Variants in SMIM31 observed in about 807,000 individuals in gnomAD.
The protein encoded by SMIM31 is small integral membrane protein 31, also known as human epithelial cell program regulator.
chr4:164,755,254 A>C (rs11935526), intron 1 of SMIM31, among the ~76,000 whole-genome samples: 98,756 of 150,654 alleles, frequency 0.66, 32,670 homozygotes, highest in African/African-American at 0.73. Context: ...CCAAGGCAGG[A>C]AGATCACTTG....
At chr4:164,772,634 A>C (rs373916216) in intron 2 of SMIM31, among the ~76,000 whole-genome samples, 2 of 146,194 alleles carry the variant, frequency 1.4e-5, no homozygotes, top group Admixed American at 1.4e-4. Context: ...GCTGGAGTGC[A>C]GTGGCGCGAT....
At chr4:164,791,914 C>T (rs1733106503) in intron 2 of SMIM31, among the ~76,000 whole-genome samples, 1 of 152,180 alleles carries the variant, frequency 6.6e-6, no homozygotes, top group Non-Finnish European at 1.5e-5. Context: ...TGCGTATCTA[C>T]AGCTCAGCTC....
At chr4:164,773,106 A>T (rs1037159492) in intron 2 of SMIM31, among the ~76,000 whole-genome samples, 1 of 151,724 alleles carries the variant, frequency 6.6e-6, no homozygotes, top group Non-Finnish European at 1.5e-5. Flanking sequence ...GGCTAAAAAG[A>T]TATAACAAGA....
intron 2 of SMIM31, chr4:164,787,306 C>T (rs535455668): frequency 6.6e-6 from 1 of 151,936 alleles, no homozygotes; most frequent in South Asian, 2.1e-4. Flanking sequence ...ACTTTGGCAA[C>T]ACATGCACTA....
rs1179270439 is a variant in SMIM31 at position 164,754,412 on chromosome 4, G to T, written c.-26+1G>T. ...ACTCTCAGGGACAGGAATGCTTCTG[G>T]TAAGTTTTTATAAATCCCCTATTTT... On this transcript the variant is annotated splice_donor_variant, in intron 1 of 2. Coordinates refer to ENST00000507311, the MANE Select transcript of SMIM31 (RefSeq NM_001352885.1). LOFTEE classifies it low-confidence loss of function (5UTR_SPLICE). 2 of 150,728 alleles carry T rather than the reference G, an allele frequency of 1.3e-5. No individual in the cohort carries two copies. The highest frequency in any genetic ancestry group is 2.4e-5 in the African/African-American group (1 of 41,078). 9.3% of individuals were successfully genotyped at this position (150,728 alleles called of 1,614,324 possible).
At chr4:164,760,950 T>C (rs1270035104) in intron 1 of SMIM31, among the ~76,000 whole-genome samples, 1 of 152,130 alleles carries the variant, frequency 6.6e-6, no homozygotes, top group East Asian at 1.9e-4. Flanking sequence ...TGAGAAATAG[T>C]ATGTACAAGT....
intron 2 of SMIM31, among the ~76,000 whole-genome samples, chr4:164,781,612 C>A (rs1488235593): frequency 6.6e-6 from 1 of 152,160 alleles, no homozygotes. Flanking sequence ...CTTTTAGCAG[C>A]CTCCTTGCCT....
At chr4:164,758,536 T>G (rs928415662) in intron 1 of SMIM31, among the ~76,000 whole-genome samples, 8 of 152,064 alleles carry the variant, frequency 5.3e-5, no homozygotes, top group Non-Finnish European at 1.0e-4. Flanking sequence ...CATTCCCACC[T>G]TTCTGGGCAT....
rs1732794506 is a variant in SMIM31, at chr4:164,771,014, T to C, written c.112+459T>C. Among the ~76,000 whole-genome samples the C allele has an allele frequency of 2.0e-5, 3 of 152,216 alleles. 1 individual carries two copies. Among genetic ancestry groups the C allele is most frequent in the Admixed American group, 6.5e-5 (1 of 15,282 alleles). On this transcript the variant is annotated intron_variant, in intron 2 of 2. Transcript: ENST00000507311. Reference sequence around the variant, plus strand: ...AAAAATTTATATTTATTTGTGTATATGTGTGTGTAAATATACAATTAGGAA... The same window carrying C: ...AAAAATTTATATTTATTTGTGTATACGTGTGTGTAAATATACAATTAGGAA...
chr4:164,790,088 A>G (rs1002105638), intron 2 of SMIM31, among the ~76,000 whole-genome samples: 1 of 152,188 alleles, frequency 6.6e-6, no homozygotes, highest in African/African-American at 2.4e-5. Context: ...CAAGGAACAC[A>G]TGATTCCCTA....
intron 2 of SMIM31, among the ~76,000 whole-genome samples, chr4:164,776,819 T>G (rs1205768068): frequency 1.3e-5 from 2 of 152,224 alleles, no homozygotes; most frequent in Non-Finnish European, 2.9e-5. Flanking sequence ...TCATGAGCAT[T>G]ATACATCATC....
chr4:164,791,573 C>A (rs1733101670), intron 2 of SMIM31, among the ~76,000 whole-genome samples: 1 of 152,154 alleles, frequency 6.6e-6, no homozygotes, highest in South Asian at 2.1e-4. Context: ...TAGGCTCAAG[C>A]AATCCACTTG....
At chr4:164,757,633 C>T (rs73871401) in intron 1 of SMIM31, among the ~76,000 whole-genome samples, 17,362 of 150,206 alleles carry the variant, frequency 0.12, 1,107 homozygotes, top group African/African-American at 0.16. Context: ...TTTTTTTTTC[C>T]TATAAATGTC....
At chr4:164,800,756 A>G (rs988852355) in intron 2 of SMIM31, among the ~76,000 whole-genome samples, 1 of 152,156 alleles carries the variant, frequency 6.6e-6, no homozygotes, top group Admixed American at 6.5e-5. Flanking sequence ...CTCACGTGCC[A>G]TTAATTTTAA....
chr4:164,798,265 G>A (rs887121077), intron 2 of SMIM31, among the ~76,000 whole-genome samples: 3 of 148,866 alleles, frequency 2.0e-5, no homozygotes, highest in African/African-American at 5.0e-5. Context: ...ACGGAGTCTC[G>A]CTCTGTCGCC....
At position 164,801,810 on chromosome 4, in the gene SMIM31, T is replaced by C. The variant is rs1475004573; in HGVS notation, c.*616T>C. 6.6e-6 allele frequency: 1 copy of C among 152,204 alleles called. No individual in the cohort carries two copies. The highest frequency in any genetic ancestry group is 1.5e-5 in the Non-Finnish European group (1 of 68,046). 9.4% of individuals were successfully genotyped at this position (152,204 alleles called of 1,614,324 possible). ...AATATGGTTTACAGAGACATGAGTGTTTGTAAATCTCTCGTCCCAATACTA... is the reference window on the plus strand; with the variant it reads ...AATATGGTTTACAGAGACATGAGTGCTTGTAAATCTCTCGTCCCAATACTA... On this transcript the variant is annotated 3_prime_UTR_variant, in exon 3 of 3. Coordinates refer to ENST00000507311, the MANE Select transcript of SMIM31 (RefSeq NM_001352885.1).
chr4:164,786,080 A>G (rs1009711480), intron 2 of SMIM31, among the ~76,000 whole-genome samples: 6 of 152,214 alleles, frequency 3.9e-5, no homozygotes, highest in African/African-American at 1.4e-4. Flanking sequence ...ATTTAAATCT[A>G]AATATTATAA....
chr4:164,784,126 G>T (rs1016378248), intron 2 of SMIM31, among the ~76,000 whole-genome samples: 4 of 152,178 alleles, frequency 2.6e-5, no homozygotes, highest in Admixed American at 2.0e-4. Context: ...AAAGTTGGGG[G>T]CGAGGGCCCA....
chr4:164,756,691 A>T (rs983313287), intron 1 of SMIM31, among the ~76,000 whole-genome samples: 1 of 152,090 alleles, frequency 6.6e-6, no homozygotes. Flanking sequence ...TCCAGATGTA[A>T]ACAATCTTCC....
Sources: allele counts gnomAD v4.1 joint callset (sites outside exome capture counted in the v4.1 genomes callset), GRCh38; gene constraint gnomAD v4.1.1; transcripts MANE v1.5; gene names NCBI Gene and HGNC (gene_info 2026-07-23, HGNC 2026-07-21).